PRELID2: variants seen among roughly 807,000 people sequenced by gnomAD.
The protein encoded by PRELID2 is PRELI domain containing 2, also known as PRELI domain-containing protein 2.
In PRELID2, 25 loss-of-function variants were observed where a neutral mutation model predicts 28.4. The ratio of observed to expected loss-of-function variants is 0.88; its 90% CI spans 0.64 to 1.23. PRELID2 has a LOEUF of 1.23. PRELID2 is among the 50% of genes most tolerant of loss of function. The pLI, the probability that PRELID2 is intolerant of heterozygous loss-of-function variation, is 0.00. For missense variants in PRELID2, 201 were observed against 214.4 expected (o/e 0.94, Z 0.39); for synonymous variants, 76 against 71.6 (o/e 1.06, Z -0.31).
chr5:145,344,826 T>C, the PRELID2 span, among the ~76,000 whole-genome samples: 1 of 152,148 alleles, frequency 6.6e-6, no homozygotes, highest in Non-Finnish European at 1.5e-5. Context: ...TAAGCACTTA[T>C]GTTTCTTCTT....
At chr5:145,334,715 A>G in the PRELID2 span, among the ~76,000 whole-genome samples, 81 of 150,846 alleles carry the variant, frequency 5.4e-4, no homozygotes, top group Non-Finnish European at 1.0e-3. Context: ...GACAATCTTT[A>G]TCTTTCCTCC....
At chr5:145,365,586 G>A in the PRELID2 span, among the ~76,000 whole-genome samples, 8 of 151,878 alleles carry the variant, frequency 5.3e-5, no homozygotes, top group Non-Finnish European at 1.0e-4. Flanking sequence ...CTGTGCTTGG[G>A]CTCAGTGTGC....
intron 1 of PRELID2, among the ~76,000 whole-genome samples, chr5:145,717,964 TA>T (rs540583982): frequency 3.8e-4 from 58 of 152,034 alleles, no homozygotes; most frequent in African/African-American, 1.3e-3. Flanking sequence ...TATACTACAT[TA>T]AAAATATATA....
the PRELID2 span, among the ~76,000 whole-genome samples, chr5:145,319,571 T>C: frequency 6.6e-6 from 1 of 152,020 alleles, no homozygotes; most frequent in Non-Finnish European, 1.5e-5. Context: ...TTCAGGAGGC[T>C]GAGGCAGGAG....
the PRELID2 span, among the ~76,000 whole-genome samples, chr5:145,359,577 G>C: frequency 6.6e-6 from 1 of 152,216 alleles, no homozygotes; most frequent in Admixed American, 6.5e-5. Flanking sequence ...TCTCAGATAA[G>C]TAAGCATGGT....
At chr5:145,338,412 C>T in the PRELID2 span, 1 of 152,168 alleles carries the variant, frequency 6.6e-6, no homozygotes, top group African/African-American at 2.4e-5. Flanking sequence ...AATCACACTT[C>T]TGCATGCACA....
chr5:145,274,887 T>C, the PRELID2 span, among the ~76,000 whole-genome samples: 1 of 152,092 alleles, frequency 6.6e-6, no homozygotes, highest in Non-Finnish European at 1.5e-5. Flanking sequence ...TTTCTCACAG[T>C]TCTGGAAGCT....
chr5:145,732,976 G>T (rs529400664), intron 1 of PRELID2, among the ~76,000 whole-genome samples: 27 of 151,296 alleles, frequency 1.8e-4, no homozygotes, highest in African/African-American at 5.8e-4. Flanking sequence ...ATTTGTATAG[G>T]TGTTTTTCAA....
chr5:145,486,038 T>C (rs546948179), intron 1 of PRELID2, among the ~76,000 whole-genome samples: 2 of 152,326 alleles, frequency 1.3e-5, no homozygotes, highest in East Asian at 1.9e-4. Context: ...AAAGTGGAAA[T>C]AGGAGGACCT....
intron 1 of PRELID2, among the ~76,000 whole-genome samples, chr5:145,640,381 CA>C (rs1754080877): frequency 6.7e-6 from 1 of 150,250 alleles, no homozygotes; most frequent in Admixed American, 6.7e-5. Flanking sequence ...GAGGCTGAGG[CA>C]GGAGAATGGC....
At chr5:145,765,716 A>G (rs1296101111) in intron 5 of PRELID2, among the ~76,000 whole-genome samples, 1 of 152,128 alleles carries the variant, frequency 6.6e-6, no homozygotes, top group Non-Finnish European at 1.5e-5. Context: ...CCATGACAAG[A>G]GTTGTTCCTG....
At chr5:145,699,006 C>T (rs1415988056) in intron 1 of PRELID2, among the ~76,000 whole-genome samples, 4 of 152,190 alleles carry the variant, frequency 2.6e-5, no homozygotes, top group Admixed American at 6.5e-5. Context: ...GGATTACAGG[C>T]GTGAGCCACC....
chr5:145,580,271 C>G (rs1475270379), intron 1 of PRELID2, among the ~76,000 whole-genome samples: 1 of 152,024 alleles, frequency 6.6e-6, no homozygotes, highest in Non-Finnish European at 1.5e-5. Flanking sequence ...AAAATGTTGT[C>G]AGAAGGAGAG....
At chr5:145,344,132 A>G in the PRELID2 span, among the ~76,000 whole-genome samples, 3 of 152,086 alleles carry the variant, frequency 2.0e-5, no homozygotes, top group African/African-American at 7.2e-5. Flanking sequence ...ATTTAACAGG[A>G]AAGTGTTCTC....
At chr5:145,359,087 C>T in the PRELID2 span, among the ~76,000 whole-genome samples, 1 of 152,312 alleles carries the variant, frequency 6.6e-6, no homozygotes, top group East Asian at 1.9e-4. Context: ...GATGGATGCA[C>T]TCACATGGAC....
chr5:145,687,701 T>C (rs146731568), intron 1 of PRELID2, among the ~76,000 whole-genome samples: 1 of 152,350 alleles, frequency 6.6e-6, no homozygotes, highest in Non-Finnish European at 1.5e-5. Flanking sequence ...GGATGCTCAA[T>C]GATTTTTTTA....
chr5:145,264,882 G>A, the PRELID2 span, among the ~76,000 whole-genome samples: 1 of 148,880 alleles, frequency 6.7e-6, no homozygotes, highest in South Asian at 2.1e-4. Context: ...ACTGAGGCAG[G>A]AGAATTGTTC....
chr5:145,519,794 A>G (rs1442294320), intron 1 of PRELID2, among the ~76,000 whole-genome samples: 1 of 152,240 alleles, frequency 6.6e-6, no homozygotes, highest in African/African-American at 2.4e-5. Flanking sequence ...AACCATTTCA[A>G]GATTGATTTA....
chr5:145,318,216 T>C, the PRELID2 span, among the ~76,000 whole-genome samples: 4 of 152,198 alleles, frequency 2.6e-5, no homozygotes, highest in Non-Finnish European at 5.9e-5. Flanking sequence ...CTCAAAAGGC[T>C]AACATAGTGG....
Sources: gnomAD v4.1 joint callset for allele counts (sites outside exome capture counted in the v4.1 genomes callset) on GRCh38, gnomAD v4.1.1 for gene constraint, MANE v1.5 for transcripts, NCBI Gene and HGNC (gene_info 2026-07-23, HGNC 2026-07-21) for gene names.